The following VTA1 variants were observed in gnomAD, a reference collection of about 807,000 sequenced individuals.
VTA1 encodes the protein vesicle trafficking 1.
A neutral mutation model predicts 36.9 loss-of-function variants in VTA1; 24 were observed. That is an observed-to-expected ratio of 0.65 (90% CI 0.47 to 0.91). The LOEUF (loss-of-function observed/expected upper bound fraction) is 0.91. Among genes scored for constraint, VTA1 ranks in the 40% least tolerant of loss-of-function variants. The pLI is 0.00. For missense variants in VTA1, 393 were observed against 377.2 expected (o/e 1.04, Z -0.35); for synonymous variants, 142 against 130.2 (o/e 1.09, Z -0.62).
chr6:142,211,703 T>C (rs1582906054), intron 7 of VTA1, among the ~76,000 whole-genome samples: 4 of 110,048 alleles, frequency 3.6e-5, no homozygotes, highest in South Asian at 6.0e-4. Flanking sequence ...AGAGCGAGAC[T>C]CCATCTCTTA....
At chr6:142,177,185 G>C (rs1199483752) in intron 4 of VTA1, among the ~76,000 whole-genome samples, 2 of 152,164 alleles carry the variant, frequency 1.3e-5, no homozygotes, top group African/African-American at 4.8e-5. Context: ...AATTCCATGT[G>C]TCTTGTACTC....
chr6:142,168,653 C>T (rs1774968043), intron 2 of VTA1, among the ~76,000 whole-genome samples: 1 of 150,988 alleles, frequency 6.6e-6, no homozygotes, highest in African/African-American at 2.4e-5. Flanking sequence ...TTAAAAGCTT[C>T]CATAATTTGA....
At chr6:142,174,366 C>A (rs902294566) in intron 4 of VTA1, among the ~76,000 whole-genome samples, 1 of 152,116 alleles carries the variant, frequency 6.6e-6, no homozygotes. Flanking sequence ...TTGTGTGGGG[C>A]CTATCGTGCC....
chr6:142,168,155 G>C (rs1407027295), intron 2 of VTA1, among the ~76,000 whole-genome samples: 1 of 152,160 alleles, frequency 6.6e-6, no homozygotes, highest in African/African-American at 2.4e-5. Context: ...GGTATTTTCT[G>C]ATGAAGATGA....
intron 1 of VTA1, among the ~76,000 whole-genome samples, chr6:142,152,606 T>A (rs1028843579): frequency 2.0e-5 from 3 of 152,176 alleles, no homozygotes; most frequent in Non-Finnish European, 4.4e-5. Flanking sequence ...AAAAAGTACT[T>A]TTTGTATTTT....
chr6:142,150,956 A>T (rs1355738391), intron 1 of VTA1, among the ~76,000 whole-genome samples: 1 of 151,930 alleles, frequency 6.6e-6, no homozygotes, highest in Non-Finnish European at 1.5e-5. Flanking sequence ...CCAAAAGAGC[A>T]TTCTAATTTG....
At position 142,189,436 on chromosome 6, in the gene VTA1, A is replaced by G. The variant is rs1775408165; in HGVS notation, c.422A>G (p.His141Arg). 1.2e-6 allele frequency: 2 copies of G among 1,613,600 alleles called. No homozygotes were observed. The highest frequency in any genetic ancestry group is 1.7e-5 in the Admixed American group (1 of 59,980). ...AATGCTCTCTTTTAGAATGTGAAAC[A>G]CAGGAAGTATGCCAGATGGAAGGCA... ...FGELTDENVK[H>R]RKYARWKATY... is the part of the protein sequence containing the mutation. Residue 141 changes from histidine (H) to arginine (R), a missense_variant, in exon 5 of 8, where the codon CAC becomes CGC. His to Arg is a conservative substitution (Grantham distance 29, BLOSUM62 0). Transcript: ENST00000367630.
At position 142,204,063 on chromosome 6, in the gene VTA1, A is replaced by G; in HGVS notation, c.776A>G (p.Gln259Arg). 3.1e-6 allele frequency: 5 copies of G among 1,613,092 alleles called. No homozygotes were observed. Among genetic ancestry groups the G allele is most frequent in the Middle Eastern group, 1.7e-4 (1 of 6,054 alleles). Reference protein sequence around the residue: ...IDPALFNTISQGDVRLTPEDF... With the variant: ...IDPALFNTISRGDVRLTPEDF... ...CCCGCACTTTTCAATACAATTTCCC[A>G]GGGTAAGTCAGCTGACTATTTTGTG... The change falls in exon 7 of 8, where the codon CAG becomes CGG. Residue 259 changes from glutamine (Q) to arginine (R), a missense_variant and splice_region_variant. Gln to Arg is a conservative substitution (Grantham distance 43). Coordinates refer to ENST00000367630, the MANE Select transcript of VTA1 (RefSeq NM_016485.5).
At chr6:142,202,556 G>GA (rs1211366075) in intron 6 of VTA1, among the ~76,000 whole-genome samples, 1 of 151,960 alleles carries the variant, frequency 6.6e-6, no homozygotes, top group African/African-American at 2.4e-5. Flanking sequence ...CACATTAAGT[G>GA]AAAAATGCAT....
Position 142,218,718 on chromosome 6 carries a change from G to A in VTA1, c.*75G>A. The A allele has an allele frequency of 6.8e-7, 1 of 1,475,588 alleles. No homozygotes were observed. The highest frequency in any genetic ancestry group is 1.4e-5 in the South Asian group (1 of 71,810). The allele number at this position is 1,475,588 out of a possible 1,614,324, so 91.4% of individuals were successfully genotyped here. On this transcript the variant is annotated 3_prime_UTR_variant, in exon 8 of 8. Transcript: ENST00000367630. ...CCATTACTCTATCTTCAGCCTATCA[G>A]GATCACAGTTTTAAGGAAGACTTGG...
chr6:142,174,403 G>A (rs1775080976), intron 4 of VTA1, among the ~76,000 whole-genome samples: 1 of 147,604 alleles, frequency 6.8e-6, no homozygotes, highest in Non-Finnish European at 1.5e-5. Context: ...CTCCCTTTTA[G>A]AATGGGGATG....
rs528344861 is a variant in VTA1 at position 142,220,363 on chromosome 6, A to G, written c.*1720A>G. Reference sequence around the variant, plus strand: ...GTAAACGCATCACCTCCTATTTTATACCCTACCTTCTGGTTCCCAATTGGG... The same window carrying G: ...GTAAACGCATCACCTCCTATTTTATGCCCTACCTTCTGGTTCCCAATTGGG... On this transcript the variant is annotated 3_prime_UTR_variant, in exon 8 of 8. Coordinates refer to ENST00000367630, the MANE Select transcript of VTA1 (RefSeq NM_016485.5). 6.6e-6 allele frequency: 1 copy of G among 152,216 alleles called. No individual in the cohort carries two copies. The highest frequency in any genetic ancestry group is 2.4e-5 in the African/African-American group (1 of 41,544). The allele number at this position is 152,216 out of a possible 1,614,324, so 9.4% of individuals were successfully genotyped here. A position where few individuals can be genotyped will look rare whatever the true frequency, so the allele number is the denominator to read the frequency against.
intron 4 of VTA1, among the ~76,000 whole-genome samples, chr6:142,177,984 A>C (rs886500214): frequency 6.6e-6 from 1 of 152,156 alleles, no homozygotes; most frequent in African/African-American, 2.4e-5. Context: ...TTGGAGTTCC[A>C]AAAGGAGTAC....
chr6:142,199,116 A>G (rs903355602), intron 6 of VTA1, among the ~76,000 whole-genome samples: 4 of 150,934 alleles, frequency 2.7e-5, no homozygotes, highest in Admixed American at 1.3e-4. Flanking sequence ...GAAATCATAG[A>G]CAGGTGAAAG....
intron 4 of VTA1, among the ~76,000 whole-genome samples, chr6:142,188,225 C>CTTTTTTTTTTTTTTTTT (rs200348683): frequency 5.1e-5 from 4 of 78,928 alleles, no homozygotes; most frequent in Non-Finnish European, 5.2e-5. Context: ...TTCTTTATTT[C>CTTTTTTTTTTTTTTTTT]TTTTTTTTTT....
intron 6 of VTA1, among the ~76,000 whole-genome samples, chr6:142,200,019 A>C (rs527822876): frequency 6.6e-6 from 1 of 152,160 alleles, no homozygotes; most frequent in Non-Finnish European, 1.5e-5. Context: ...ATCCTGATCA[A>C]GAGTCCCAGA....
chr6:142,182,553 T>G (rs1775262243), intron 4 of VTA1, among the ~76,000 whole-genome samples: 1 of 64,342 alleles, frequency 1.6e-5, no homozygotes, highest in Non-Finnish European at 2.9e-5. Flanking sequence ...ATATTTTGAA[T>G]GTAGAGCTGA....
intron 1 of VTA1, among the ~76,000 whole-genome samples, chr6:142,151,281 T>C (rs549542686): frequency 6.6e-6 from 1 of 152,342 alleles, no homozygotes; most frequent in Non-Finnish European, 1.5e-5. Flanking sequence ...CTTACATTTA[T>C]ACATGTATCT....
chr6:142,171,400 G>T (rs1775027334), intron 4 of VTA1, among the ~76,000 whole-genome samples: 1 of 152,092 alleles, frequency 6.6e-6, no homozygotes, highest in African/African-American at 2.4e-5. Flanking sequence ...GGGACTGGAG[G>T]TAGAATCTTT....
Sources: allele counts gnomAD v4.1 joint callset (sites outside exome capture counted in the v4.1 genomes callset), GRCh38; gene constraint gnomAD v4.1.1; transcripts MANE v1.5; gene names NCBI Gene and HGNC (gene_info 2026-07-23, HGNC 2026-07-21).